TRPM8: variants seen among roughly 807,000 people sequenced by gnomAD.
The protein encoded by TRPM8 is TRPM8 cationic channel.
In TRPM8, 110 loss-of-function variants were observed where a neutral mutation model predicts 133.7. The observed-to-expected ratio is 0.82, with a 90% CI of 0.70 to 0.96. The LOEUF (loss-of-function observed/expected upper bound fraction) is 0.96, where lower values mean the gene tolerates loss of function less well. TRPM8 is among the 40% of genes least tolerant of loss of function. The pLI is 0.00. For synonymous variants in TRPM8, 535 were observed against 532.3 expected, an observed-to-expected ratio of 1.01 and a Z score of -0.07; for missense variants, 1,291 against 1,379.5, an observed-to-expected ratio of 0.94 and a Z score of 1.02.
intron 20 of TRPM8, among the ~76,000 whole-genome samples, chr2:233,984,362 A>C (rs1692089581): frequency 6.6e-6 from 1 of 152,046 alleles, no homozygotes; most frequent in Non-Finnish European, 1.5e-5. Context: ...TCTCAGACGC[A>C]CCTTGGCACA....
At chr2:233,932,782 G>A (rs1691706107) in intron 3 of TRPM8, among the ~76,000 whole-genome samples, 1 of 151,736 alleles carries the variant, frequency 6.6e-6, no homozygotes, top group South Asian at 2.1e-4. Flanking sequence ...AATCCCCCAT[G>A]TTTATTATTT....
intron 20 of TRPM8, among the ~76,000 whole-genome samples, chr2:233,985,084 A>G (rs931424786): frequency 6.3e-4 from 7 of 11,102 alleles, no homozygotes; most frequent in African/African-American, 1.1e-3. Flanking sequence ...ATTCTGTCTG[A>G]AAAAAAAAAA....
At chr2:233,962,301 C>T (rs1322041779) in intron 12 of TRPM8, among the ~76,000 whole-genome samples, 1 of 152,096 alleles carries the variant, frequency 6.6e-6, no homozygotes, top group Non-Finnish European at 1.5e-5. Flanking sequence ...GTACAAATAC[C>T]CCCACTTGAA....
intron 13 of TRPM8, among the ~76,000 whole-genome samples, chr2:233,963,868 A>G (rs10490014): frequency 0.38 from 58,222 of 152,012 alleles, 17,159 homozygotes; most frequent in African/African-American, 0.81. Context: ...TTAAAGTTAC[A>G]TTGTTCAGGT....
chr2:233,934,800 C>T (rs1256738235), intron 3 of TRPM8, among the ~76,000 whole-genome samples: 1 of 152,264 alleles, frequency 6.6e-6, no homozygotes, highest in Non-Finnish European at 1.5e-5. Flanking sequence ...AATCCATCTG[C>T]TTCTGGACTG....
chr2:234,000,204 G>C (rs1019814062), intron 22 of TRPM8, among the ~76,000 whole-genome samples: 1 of 151,076 alleles, frequency 6.6e-6, no homozygotes, highest in Non-Finnish European at 1.5e-5. Flanking sequence ...TCCGCCTCCT[G>C]GGTTCAAGTG....
At chr2:233,921,789 G>A (rs1273140098) in intron 1 of TRPM8, among the ~76,000 whole-genome samples, 1 of 148,896 alleles carries the variant, frequency 6.7e-6, no homozygotes, top group Non-Finnish European at 1.5e-5. Context: ...TGGTGACTCA[G>A]CCTCCCAAGT....
intron 15 of TRPM8, 117 bp downstream of exon 15, chr2:233,966,872 A>T: frequency 7.6e-7 from 1 of 1,323,042 alleles, no homozygotes; most frequent in Non-Finnish European, 1.0e-6. Context: ...TAAAAGCCAT[A>T]GAAGGAGTGG....
chr2:234,004,893 G>A lies in TRPM8; in HGVS notation c.3131-1960G>A, dbSNP rs147547587. ...TTGCTCATTTAACTAATAATACATC[G>A]CAAAATTTTTCCATATCCACAAATA... On this transcript the variant is annotated intron_variant, in intron 22 of 25. Coordinates refer to ENST00000324695, the MANE Select transcript of TRPM8 (RefSeq NM_024080.5). Among the ~76,000 whole-genome samples, 27 of 152,126 alleles carry A rather than the reference G, an allele frequency of 1.8e-4. No individual in the cohort carries two copies. In the East Asian group the frequency reaches 4.8e-3, roughly 27 times the overall value.
intron 17 of TRPM8, among the ~76,000 whole-genome samples, chr2:233,972,181 A>G (rs1265303575): frequency 6.6e-6 from 1 of 150,486 alleles, no homozygotes; most frequent in Admixed American, 6.6e-5. Flanking sequence ...GTGTATTTAC[A>G]ATCCCTGAGC....
chr2:233,963,071 T>G (rs1250590989), intron 12 of TRPM8, among the ~76,000 whole-genome samples: 1 of 152,194 alleles, frequency 6.6e-6, no homozygotes, highest in Non-Finnish European at 1.5e-5. Context: ...TTCATCTAGT[T>G]GTACTTTGTC....
At chr2:234,004,561 C>T (rs1692646520) in intron 22 of TRPM8, among the ~76,000 whole-genome samples, 1 of 152,178 alleles carries the variant, frequency 6.6e-6, no homozygotes, top group South Asian at 2.1e-4. Context: ...TTTCAAATGA[C>T]TTTCAGAGCA....
intron 1 of TRPM8, among the ~76,000 whole-genome samples, chr2:233,921,484 G>C (rs1047281135): frequency 6.6e-6 from 1 of 152,094 alleles, no homozygotes; most frequent in Non-Finnish European, 1.5e-5. Context: ...CCAATTAAAA[G>C]AGTTTATTCA....
chr2:233,928,262 C>A (rs1691609056), intron 2 of TRPM8, among the ~76,000 whole-genome samples: 1 of 152,062 alleles, frequency 6.6e-6, no homozygotes, highest in South Asian at 2.1e-4. Context: ...ACCCACTGCG[C>A]CTGGCCGAGG....
chr2:233,950,134 T>A lies in TRPM8; in HGVS notation c.1128T>A (p.Ser376Arg), dbSNP rs199509635. The stretch of plus-strand genomic sequence containing the variant: ...GGCTGCCTGAGGAGGAGACTGAGAG[T>A]TGGATCAAATGGGTAAGTTGTCGGG... ...VSRLPEEETE[S>R]WIKWLKEILE... The change falls in exon 9 of 26, where the codon AGT becomes AGA. Residue 376 changes from serine to arginine, a missense_variant. Ser to Arg is a moderately radical substitution (Grantham distance 110, BLOSUM62 -1). This residue lies in a region of TRPM8 where 963 missense variants were observed against 968.9 expected (regional missense o/e 0.99). Coordinates refer to ENST00000324695, the MANE Select transcript of TRPM8 (RefSeq NM_024080.5). 9.9e-6 allele frequency: 16 copies of A among 1,612,184 alleles called. No homozygotes were observed. The highest frequency in any genetic ancestry group is 1.4e-5 in the Non-Finnish European group (16 of 1,179,866).
chr2:233,985,763 A>G lies in TRPM8; in HGVS notation c.2837A>G (p.His946Arg), dbSNP rs199727864. Residue 946 changes from histidine to arginine, a missense_variant, in exon 21 of 26, where the codon CAC (histidine) becomes CGC (arginine). Physicochemically the swap from His to Arg is conservative, Grantham distance 29. Transcript: ENST00000324695. The part of the protein sequence containing the change: ...SKPLCVELDE[H>R]NLPRFPEWIT... ...CCACTGTGTGTGGAGCTGGATGAGC[A>G]CAACCTGCCCCGGTTCCCCGAGTGG... 3.1e-6 allele frequency: 5 copies of G among 1,614,198 alleles called. No individual in the cohort carries two copies. Among genetic ancestry groups the G allele is most frequent in the African/African-American group, 2.7e-5 (2 of 75,050 alleles).
chr2:233,949,393 T>G (rs1316306687), intron 8 of TRPM8, among the ~76,000 whole-genome samples: 1 of 152,232 alleles, frequency 6.6e-6, no homozygotes, highest in Non-Finnish European at 1.5e-5. Flanking sequence ...GTCATAAAAG[T>G]GTGCTAGGTG....
intron 7 of TRPM8, 143 bp from the exon 8 acceptor site, chr2:233,946,945 G>A (rs1205749235): frequency 8.9e-6 from 6 of 676,170 alleles, no homozygotes; most frequent in Admixed American, 2.6e-5. Context: ...TTAATGAGTG[G>A]ATAATGTTCA....
At chr2:233,996,721 A>T (rs1692412524) in intron 22 of TRPM8, among the ~76,000 whole-genome samples, 1 of 152,166 alleles carries the variant, frequency 6.6e-6, no homozygotes, top group South Asian at 2.1e-4. Context: ...ATCTGCCGGG[A>T]TAGCCTGCTC....
Sources: allele counts gnomAD v4.1 joint callset (sites outside exome capture counted in the v4.1 genomes callset), GRCh38; gene constraint gnomAD v4.1.1; regional missense constraint gnomAD v4.1.1; transcripts MANE v1.5; gene names NCBI Gene and HGNC (gene_info 2026-07-23, HGNC 2026-07-21).